The following BLTP3B variants were observed in gnomAD, a reference collection of about 807,000 sequenced individuals.
BLTP3B encodes bridge-like lipid transfer protein family member 3B.
At chr12:100,072,920 T>A in the BLTP3B span, 1 of 1,237,544 alleles carries the variant, frequency 8.1e-7, no homozygotes, top group Non-Finnish European at 1.1e-6. Context: ...ACTTTGCTAA[T>A]GGTTAATTTC....
the BLTP3B span, among the ~76,000 whole-genome samples, chr12:100,049,009 T>C: frequency 2.6e-5 from 4 of 152,136 alleles, no homozygotes; most frequent in Admixed American, 2.6e-4. Context: ...ATTTTGCTTA[T>C]TTGTTTTATG....
At chr12:100,107,048 G>A in the BLTP3B span, among the ~76,000 whole-genome samples, 12 of 152,204 alleles carry the variant, frequency 7.9e-5, no homozygotes, top group South Asian at 1.2e-3. Context: ...AGCACTTTGG[G>A]AGGCAGAGGC....
the BLTP3B span, among the ~76,000 whole-genome samples, chr12:100,041,583 G>C: frequency 0.019 from 2,869 of 151,768 alleles, 90 homozygotes; most frequent in African/African-American, 0.065. Context: ...ACTACAGGTG[G>C]ACACTACCAC....
chr12:100,128,837 AC>A, the BLTP3B span: 1 of 961,228 alleles, frequency 1.0e-6, no homozygotes, highest in Non-Finnish European at 1.3e-6. Context: ...GAAAAAAAAA[AC>A]AGTTGCATTT....
chr12:100,093,257 A>G, the BLTP3B span, among the ~76,000 whole-genome samples: 1 of 152,174 alleles, frequency 6.6e-6, no homozygotes, highest in Non-Finnish European at 1.5e-5. Context: ...TACAGAGTTT[A>G]CCTTCAATTC....
chr12:100,129,157 T>A, the BLTP3B span, among the ~76,000 whole-genome samples: 1 of 151,876 alleles, frequency 6.6e-6, no homozygotes, highest in East Asian at 1.9e-4. Context: ...ACTGTAATTC[T>A]CATTTCACCG....
the BLTP3B span, among the ~76,000 whole-genome samples, chr12:100,052,643 A>G: frequency 6.6e-6 from 1 of 152,112 alleles, no homozygotes; most frequent in Non-Finnish European, 1.5e-5. Context: ...AAAACATCAG[A>G]AAAAGTAAGC....
the BLTP3B span, among the ~76,000 whole-genome samples, chr12:100,041,544 C>T: frequency 2.8e-5 from 4 of 141,884 alleles, no homozygotes; most frequent in Admixed American, 7.6e-5. Context: ...TCAAGTGATT[C>T]TCCTGCCTCA....
the BLTP3B span, among the ~76,000 whole-genome samples, chr12:100,140,704 C>CAAAAAAAAAAA: frequency 5.9e-5 from 2 of 33,778 alleles, no homozygotes; most frequent in African/African-American, 1.6e-4. Flanking sequence ...GACTCTGTCT[C>CAAAAAAAAAAA]AAAAAAAAAA....
the BLTP3B span, chr12:100,095,669 G>C: frequency 3.1e-5 from 50 of 1,606,802 alleles, no homozygotes; most frequent in Non-Finnish European, 4.1e-5. Flanking sequence ...TAGCTTACCT[G>C]TGTAGGTTCA....
the BLTP3B span, among the ~76,000 whole-genome samples, chr12:100,071,698 A>G: frequency 2.6e-5 from 4 of 152,210 alleles, no homozygotes; most frequent in African/African-American, 9.6e-5. Flanking sequence ...ATGTAATTCA[A>G]TATTTCTGAA....
chr12:100,124,082 T>G, the BLTP3B span, among the ~76,000 whole-genome samples: 1 of 151,532 alleles, frequency 6.6e-6, no homozygotes, highest in African/African-American at 2.4e-5. Flanking sequence ...CTGGGAAACA[T>G]AGCAAGACCC....
At chr12:100,055,148 A>G in the BLTP3B span, among the ~76,000 whole-genome samples, 3 of 152,092 alleles carry the variant, frequency 2.0e-5, no homozygotes, top group African/African-American at 7.2e-5. Context: ...TTTTTTAAGA[A>G]GACGTGTTTG....
the BLTP3B span, among the ~76,000 whole-genome samples, chr12:100,050,828 A>C: frequency 6.6e-6 from 1 of 152,064 alleles, no homozygotes; most frequent in African/African-American, 2.4e-5. Flanking sequence ...AATAAAAATA[A>C]AAATACAAAA....
chr12:100,055,889 C>T, the BLTP3B span, among the ~76,000 whole-genome samples: 1 of 152,042 alleles, frequency 6.6e-6, no homozygotes, highest in Non-Finnish European at 1.5e-5. Flanking sequence ...CACTAATTAG[C>T]TGTGTTACTT....
the BLTP3B span, among the ~76,000 whole-genome samples, chr12:100,099,979 C>G: frequency 6.7e-6 from 1 of 148,748 alleles, no homozygotes; most frequent in Non-Finnish European, 1.5e-5. Context: ...AGTCTAGTTA[C>G]ATATAAATTA....
At chr12:100,057,671 A>C in the BLTP3B span, 1 of 1,612,740 alleles carries the variant, frequency 6.2e-7, no homozygotes, top group East Asian at 2.2e-5. Flanking sequence ...ACATTTGTGA[A>C]GAGCTTCTTT....
At chr12:100,108,320 CA>C in the BLTP3B span, 1 of 1,523,540 alleles carries the variant, frequency 6.6e-7, no homozygotes, top group South Asian at 1.3e-5. Flanking sequence ...AAGCTAGAGC[CA>C]AAATATAGAA....
At chr12:100,087,414 C>G in the BLTP3B span, among the ~76,000 whole-genome samples, 1 of 152,132 alleles carries the variant, frequency 6.6e-6, no homozygotes, top group Non-Finnish European at 1.5e-5. Flanking sequence ...ATTTTCAGCA[C>G]AGGTCTACAA....
Sources: allele counts gnomAD v4.1 joint callset (sites outside exome capture counted in the v4.1 genomes callset), GRCh38; gene constraint gnomAD v4.1.1; transcripts MANE v1.5; gene names NCBI Gene and HGNC (gene_info 2026-07-23, HGNC 2026-07-21).